ZC3H12B: variants seen among roughly 807,000 people sequenced by gnomAD.
ZC3H12B encodes probable ribonuclease ZC3H12B.
ZC3H12B carries 7 observed loss-of-function variants against 43.9 expected under a neutral mutation model. The observed-to-expected ratio is 0.16, with a 90% CI of 0.09 to 0.30. The LOEUF (loss-of-function observed/expected upper bound fraction) is 0.30, where lower values mean the gene tolerates loss of function less well. Ranked by LOEUF, ZC3H12B falls within the 10% of genes least tolerant of loss-of-function variation. ZC3H12B has a pLI of 1.00. For synonymous variants in ZC3H12B, 222 were observed against 241.7 expected (o/e 0.92, Z 0.76); for missense variants, 475 against 670.2 (o/e 0.71, Z 3.22).
chrX:65,121,343 A>T, the ZC3H12B span, among the ~76,000 whole-genome samples: 1 of 111,492 alleles, frequency 9.0e-6, no homozygotes, highest in Non-Finnish European at 1.9e-5. Context: ...TTATTGGTCT[A>T]TTCAGAGAAT....
At chrX:65,083,014 T>G in the ZC3H12B span, among the ~76,000 whole-genome samples, 1 of 110,578 alleles carries the variant, frequency 9.0e-6, no homozygotes, top group African/African-American at 3.3e-5. Context: ...AAAAAACATA[T>G]GGTCATTTCA....
At chrX:65,324,666 G>T in the ZC3H12B span, among the ~76,000 whole-genome samples, 1 of 110,954 alleles carries the variant, frequency 9.0e-6, no homozygotes, top group African/African-American at 3.3e-5. Context: ...AAGTTACTTC[G>T]TATGATTTAA....
At chrX:65,177,252 G>T in the ZC3H12B span, among the ~76,000 whole-genome samples, 3 of 111,875 alleles carry the variant, frequency 2.7e-5, no homozygotes, top group East Asian at 8.4e-4. Context: ...CAGCTCTCCA[G>T]AAACTAGTTG....
At chrX:65,052,762 G>A in the ZC3H12B span, among the ~76,000 whole-genome samples, 1 of 111,441 alleles carries the variant, frequency 9.0e-6, no homozygotes, top group East Asian at 2.8e-4. Context: ...ATATCTCTTT[G>A]ACATACCGAT....
intron 3 of ZC3H12B, among the ~76,000 whole-genome samples, chrX:65,410,219 C>G (rs953034642): frequency 1.3e-4 from 14 of 109,913 alleles, no homozygotes; most frequent in Non-Finnish European, 5.7e-5. Flanking sequence ...GGGGAAAAGA[C>G]AGTCTCTTTA....
the ZC3H12B span, chrX:65,271,150 C>T: frequency 2.3e-3 from 253 of 112,382 alleles, 2 homozygotes; most frequent in Non-Finnish European, 5.8e-4. Context: ...GCGGTGCTGT[C>T]TAAGGCTCCA....
chrX:65,110,666 A>G, the ZC3H12B span, among the ~76,000 whole-genome samples: 2 of 111,565 alleles, frequency 1.8e-5, no homozygotes, highest in Admixed American at 9.5e-5. Context: ...ATCAGGAAGA[A>G]TGTTTCTTTC....
At chrX:65,207,518 A>C in the ZC3H12B span, among the ~76,000 whole-genome samples, 1 of 110,503 alleles carries the variant, frequency 9.0e-6, no homozygotes, top group Non-Finnish European at 1.9e-5. Context: ...ATAAAAGACT[A>C]TACATTGGGT....
At chrX:65,308,047 A>G in the ZC3H12B span, among the ~76,000 whole-genome samples, 1 of 111,704 alleles carries the variant, frequency 9.0e-6, no homozygotes, top group Non-Finnish European at 1.9e-5. Context: ...AACGCTGTGG[A>G]AATTCCTCAT....
chrX:65,464,300 CT>C (rs764455545), intron 3 of ZC3H12B, among the ~76,000 whole-genome samples: 48 of 111,841 alleles, frequency 4.3e-4, no homozygotes, highest in African/African-American at 1.4e-3. Flanking sequence ...AATCTCTTTA[CT>C]TATTATAGGT....
chrX:65,413,504 T>A (rs1430541451), intron 3 of ZC3H12B, among the ~76,000 whole-genome samples: 1 of 112,098 alleles, frequency 8.9e-6, no homozygotes, highest in Non-Finnish European at 1.9e-5. Context: ...CATGTTTTTA[T>A]CTAGTTGTTC....
chrX:65,429,371 C>A (rs1034852054), intron 3 of ZC3H12B, among the ~76,000 whole-genome samples: 1 of 112,288 alleles, frequency 8.9e-6, no homozygotes, highest in Non-Finnish European at 1.9e-5. Flanking sequence ...CTGGAACAGC[C>A]AAGGTGGCAG....
At chrX:65,217,493 G>A in the ZC3H12B span, among the ~76,000 whole-genome samples, 13 of 111,990 alleles carry the variant, frequency 1.2e-4, no homozygotes, top group African/African-American at 4.2e-4. Context: ...CTGTAGTTAT[G>A]GAGATATGTG....
chrX:65,181,570 C>T, the ZC3H12B span, among the ~76,000 whole-genome samples: 1 of 111,566 alleles, frequency 9.0e-6, no homozygotes, highest in South Asian at 3.7e-4. Flanking sequence ...AAAAAAATAA[C>T]CTCATCAGAA....
chrX:65,301,356 A>G, the ZC3H12B span, among the ~76,000 whole-genome samples: 1 of 111,804 alleles, frequency 8.9e-6, no homozygotes, highest in African/African-American at 3.2e-5. Flanking sequence ...AAAAGAAGTC[A>G]TTATACAGAA....
the ZC3H12B span, among the ~76,000 whole-genome samples, chrX:65,284,237 GAC>G: frequency 2.8e-4 from 24 of 87,059 alleles, no homozygotes; most frequent in African/African-American, 6.1e-4. Flanking sequence ...TCAATGTAAG[GAC>G]ACACACACAC....
At chrX:65,296,754 C>T in the ZC3H12B span, among the ~76,000 whole-genome samples, 4 of 111,158 alleles carry the variant, frequency 3.6e-5, no homozygotes, top group Non-Finnish European at 5.7e-5. Context: ...TAGAAAGTCT[C>T]AACAAAATAC....
the ZC3H12B span, among the ~76,000 whole-genome samples, chrX:65,220,495 G>A: frequency 1.8e-5 from 2 of 111,911 alleles, no homozygotes; most frequent in Non-Finnish European, 3.8e-5. Context: ...TAAATTTAAA[G>A]AGGTGGAAAA....
At chrX:65,231,105 C>G in the ZC3H12B span, among the ~76,000 whole-genome samples, 4 of 111,195 alleles carry the variant, frequency 3.6e-5, no homozygotes, top group Non-Finnish European at 5.7e-5. Context: ...AGAAATTTTA[C>G]AACTGGGCCT....
Sources: gnomAD v4.1 joint callset for allele counts (sites outside exome capture counted in the v4.1 genomes callset) on GRCh38, gnomAD v4.1.1 for gene constraint, MANE v1.5 for transcripts, NCBI Gene and HGNC (gene_info 2026-07-23, HGNC 2026-07-21) for gene names.